Variants in RPL8 observed in about 807,000 individuals in gnomAD.
RPL8 encodes the protein ribosomal protein L8.
For synonymous variants in RPL8, 182 were observed against 143.2 expected (o/e 1.27, Z -1.94); for missense variants, 248 against 365.9 (o/e 0.68, Z 2.63).
intron 2 of RPL8, 50 bp downstream of exon 2, chr8:144,791,723 C>T (rs1313149021): frequency 6.2e-7 from 1 of 1,610,466 alleles, no homozygotes; most frequent in Admixed American, 1.7e-5. Flanking sequence ...CCTCAGGCAA[C>T]ACCCAGACCC....
intron 4 of RPL8, 139 bp downstream of exon 4, chr8:144,790,216 C>G (rs372885829): frequency 2.0e-5 from 16 of 786,890 alleles, no homozygotes; most frequent in Non-Finnish European, 2.9e-5. Context: ...TCAACAGTCC[C>G]GTGACTACAA....
chr8:144,792,285 C>T lies in RPL8; in HGVS notation c.-156G>A, dbSNP rs1243946631. On this transcript the variant is annotated 5_prime_UTR_variant, in exon 1 of 5. Coordinates refer to ENST00000528957, the MANE Select transcript of RPL8 (RefSeq NM_001317782.2). ...CCGCACCGGCATCCTCTCAGGAGGGCCGGTCCGGGTCTCAGCGCGCCTCAC... is the reference window on the plus strand; with the variant it reads ...CCGCACCGGCATCCTCTCAGGAGGGTCGGTCCGGGTCTCAGCGCGCCTCAC... 3.0e-5 allele frequency: 33 copies of T among 1,115,818 alleles called. No individual in the cohort carries two copies. Among genetic ancestry groups the T allele is most frequent in the Non-Finnish European group, 3.8e-5 (32 of 848,366 alleles). The allele number at this position is 1,115,818 out of a possible 1,614,324, so 69.1% of individuals were successfully genotyped here. A position where few individuals can be genotyped will look rare whatever the true frequency, so the allele number is the denominator to read the frequency against.
At chr8:144,791,046 ACTT>A (rs1826493081) in intron 3 of RPL8, 1 of 571,026 alleles carries the variant, frequency 1.8e-6, no homozygotes. Flanking sequence ...GACCCTGGTG[ACTT>A]CGTCCCAATC....
intron 3 of RPL8, 134 bp from the exon 4 acceptor site, chr8:144,790,604 G>A (rs1826472030): frequency 9.7e-6 from 7 of 721,684 alleles, no homozygotes; most frequent in Middle Eastern, 2.3e-4. Context: ...TCCACCCTAG[G>A]GAGCCCCTTG....
Position 144,791,259 on chromosome 8 carries a change from C to A in RPL8, c.499+18G>T. 1 of 1,609,524 alleles carries A rather than the reference C, an allele frequency of 6.2e-7. No homozygotes were observed. Among genetic ancestry groups the A allele is most frequent in the Admixed American group, 1.7e-5 (1 of 60,014 alleles). On this transcript the variant is annotated intron_variant, in intron 3 of 4. Coordinates refer to ENST00000528957, the MANE Select transcript of RPL8 (RefSeq NM_001317782.2). ...TTCACCCACAGCCCTCAGCATTCAA[C>A]TGCTGCCTGATACTCACCAACCACA... is the stretch of plus-strand genomic sequence containing the variant.
rs111376131 is a variant in RPL8 at position 144,791,989 on chromosome 8, C to T, written c.138+3G>A. The T allele has an allele frequency of 1.2e-6, 2 of 1,608,660 alleles. No homozygotes were observed. Among genetic ancestry groups the T allele is most frequent in the African/African-American group, 1.3e-5 (1 of 74,788 alleles). ...CCCTCCCGCCCCGGCCAGCGTTCCG[C>T]ACCTTGACGATGCCCTTGATGTAGC... On this transcript the variant is annotated splice_donor_region_variant and intron_variant, in intron 1 of 4. Transcript: ENST00000528957.
intron 3 of RPL8, 163 bp from the exon 4 acceptor site, chr8:144,790,633 CCA>C (rs1347309539): frequency 7.3e-6 from 5 of 689,118 alleles, no homozygotes; most frequent in Non-Finnish European, 1.3e-5. Context: ...GAGCTGACAT[CCA>C]GTTTCTTCAA....
In RPL8 at chr8:144,791,972, C is replaced by T. The variant is rs1358686016; in HGVS notation, c.138+20G>A. ...CGGCCGGGCGTCCCTTCCCCTCCCG[C>T]CCCGGCCAGCGTTCCGCACCTTGAC... On this transcript the variant is annotated intron_variant, in intron 1 of 4. Transcript: ENST00000528957. 3 of 1,609,250 alleles carry T rather than the reference C, an allele frequency of 1.9e-6. No homozygotes were observed. The highest frequency in any genetic ancestry group is 2.2e-5 in the South Asian group (2 of 90,824).
intron 3 of RPL8, chr8:144,790,961 C>G: frequency 2.1e-6 from 1 of 470,464 alleles, no homozygotes. Flanking sequence ...CACAATCTCT[C>G]CCTGCCTTCT....
intron 2 of RPL8, 112 bp downstream of exon 2, chr8:144,791,661 C>A: frequency 6.4e-7 from 1 of 1,552,340 alleles, no homozygotes; most frequent in East Asian, 2.3e-5. Flanking sequence ...GCGGATGTCC[C>A]CACCTGAAGC....
chr8:144,791,208 G>A (rs975533462), intron 3 of RPL8, 69 bp downstream of exon 3: 21 of 1,479,474 alleles, frequency 1.4e-5, no homozygotes, highest in Non-Finnish European at 1.9e-5. Context: ...TCTAGCCACT[G>A]GCTGTCCACC....
rs745787932 is a variant in RPL8, at chr8:144,791,955, C to A, written c.138+37G>T. The A allele has an allele frequency of 5.6e-6, 9 of 1,609,546 alleles. No individual in the cohort carries two copies. The Admixed American group carries it at 8.4e-5, about 15-fold the overall frequency. On this transcript the variant is annotated intron_variant, in intron 1 of 4. Transcript: ENST00000528957. ...GCGTGAGTGCGGCGTTCCGGCCGGG[C>A]GTCCCTTCCCCTCCCGCCCCGGCCA...
In RPL8 at chr8:144,792,177, C is replaced by T. The variant is rs1232211066; in HGVS notation, c.-48G>A. ...TCACGATTAGCGCGGCCGGGCGGCC[C>T]GGGTACCCCCGCCAGCCCGGCTTTC... On this transcript the variant is annotated 5_prime_UTR_variant, in exon 1 of 5. Transcript: ENST00000528957. The T allele has an allele frequency of 2.1e-6, 3 of 1,438,374 alleles. No individual in the cohort carries two copies. The highest frequency in any genetic ancestry group is 2.7e-5 in the East Asian group (1 of 37,158). The allele number at this position is 1,438,374 out of a possible 1,614,324, so 89.1% of individuals were successfully genotyped here. A position where few individuals can be genotyped will look rare whatever the true frequency, so the allele number is the denominator to read the frequency against.
rs1365723466 is a variant in RPL8 at position 144,791,512 on chromosome 8, C to T, written c.281-17G>A. 6.2e-7 allele frequency: 1 copy of T among 1,611,738 alleles called. No homozygotes were observed. Among genetic ancestry groups the T allele is most frequent in the South Asian group, 1.1e-5 (1 of 90,944 alleles). ...TGAGCTGGGCTGCAAGGGGAAGCAG[C>T]ATCAGGCCGTCAGCACAGTAAGAAA... is the stretch of plus-strand genomic sequence containing the variant. On this transcript the variant is annotated splice_polypyrimidine_tract_variant and intron_variant, in intron 2 of 4. Transcript: ENST00000528957.
chr8:144,791,664 C>T, intron 2 of RPL8, 109 bp downstream of exon 2: 1 of 1,560,396 alleles, frequency 6.4e-7, no homozygotes, highest in Non-Finnish European at 8.7e-7. Context: ...GATGTCCCCA[C>T]CTGAAGCTTC....
chr8:144,792,033 C>A lies in RPL8; in HGVS notation c.97G>T (p.Asp33Tyr). The A allele has an allele frequency of 6.2e-7, 1 of 1,609,324 alleles. No homozygotes were observed. The highest frequency in any genetic ancestry group is 8.5e-7 in the Non-Finnish European group (1 of 1,178,430). Reference protein sequence around the residue: ...RKGAARLRAVDFAERHGYIKG... With the variant: ...RKGAARLRAVYFAERHGYIKG... ...ATGTAGCCGTGCCGCTCAGCGAAATCCACGGCGCGCAGGCGCGCAGCGCCT... is the reference window on the plus strand; with the variant it reads ...ATGTAGCCGTGCCGCTCAGCGAAATACACGGCGCGCAGGCGCGCAGCGCCT... Residue 33 changes from aspartate to tyrosine, a missense_variant, in exon 1 of 5, where the codon GAT (aspartate) becomes TAT (tyrosine). Asp to Tyr is a radical substitution (Grantham distance 160). Coordinates refer to ENST00000528957, the MANE Select transcript of RPL8 (RefSeq NM_001317782.2).
chr8:144,790,037 CAG>C lies in RPL8; in HGVS notation c.616-77_616-76del, dbSNP rs1826442897. 5.4e-6 allele frequency: 8 copies of C among 1,486,364 alleles called. No individual in the cohort carries two copies. The East Asian group carries it at 1.4e-4, about 27-fold the overall frequency. The allele number at this position is 1,486,364 out of a possible 1,614,324, so 92.1% of individuals were successfully genotyped here. A position where few individuals can be genotyped will look rare whatever the true frequency, so the allele number is the denominator to read the frequency against. The stretch of plus-strand genomic sequence containing the variant: ...CCCCCGGCCTCGGGGTCCCACCCGT[CAG>C]GGGCCCAATTCCGCGAAGCCCCTCT... On this transcript the variant is annotated intron_variant, in intron 4 of 4. Transcript: ENST00000528957.
chr8:144,792,073 G>A lies in RPL8; in HGVS notation c.57C>T (p.His19=), dbSNP rs921684877. The A allele has an allele frequency of 1.2e-5, 19 of 1,605,898 alleles. No homozygotes were observed. The highest frequency in any genetic ancestry group is 1.4e-5 in the Non-Finnish European group (17 of 1,177,602). The change falls in exon 1 of 5, where the codon CAC becomes CAT. Residue 19 remains histidine, a synonymous_variant. Coordinates refer to ENST00000528957, the MANE Select transcript of RPL8 (RefSeq NM_001317782.2). ...RKGAGSVFRA[H]VKHRKGAARL... is the part of the protein sequence containing the mutation. ...GCGCAGCGCCTTTACGGTGCTTCAC[G>A]TGCGCGCGGAACACAGACCCGGCGC...
intron 3 of RPL8, chr8:144,790,796 T>C (rs1385971292): frequency 3.4e-6 from 2 of 584,964 alleles, no homozygotes; most frequent in East Asian, 7.8e-5. Flanking sequence ...GCCTGCCCCA[T>C]CTCAGCTTTA....
Sources: allele counts gnomAD v4.1 joint callset, GRCh38; gene constraint gnomAD v4.1.1; transcripts MANE v1.5; gene names NCBI Gene and HGNC (gene_info 2026-07-23, HGNC 2026-07-21).